Variants in TOGARAM1 observed in about 807,000 individuals in gnomAD.
TOGARAM1 encodes the protein TOG array regulator of axonemal microtubules 1.
A neutral mutation model predicts 166.6 loss-of-function variants in TOGARAM1; 100 were observed. The ratio of observed to expected loss-of-function variants is 0.60; its 90% CI spans 0.51 to 0.71. TOGARAM1 has a LOEUF of 0.71. TOGARAM1 is among the 30% of genes least tolerant of loss of function. The probability of loss-of-function intolerance (pLI) is 0.00; values close to 1 mark genes in which losing one functional copy is unlikely to be tolerated. For synonymous variants in TOGARAM1, 758 were observed against 763.8 expected (o/e 0.99, Z 0.13); for missense variants, 2,029 against 2,102.7 (o/e 0.96, Z 0.69).
Position 45,046,702 on chromosome 14 carries a change from A to G in TOGARAM1, c.4312A>G (p.Arg1438Gly). 1 of 1,281,586 alleles carries G rather than the reference A, an allele frequency of 7.8e-7. No individual in the cohort carries two copies. The highest frequency in any genetic ancestry group is 1.0e-6 in the Non-Finnish European group (1 of 1,003,992). 79.4% of individuals were successfully genotyped at this position (1,281,586 alleles called of 1,614,324 possible). The change falls in exon 14 of 20, where the codon AGG (arginine) becomes GGG (glycine). Residue 1438 changes from arginine (R) to glycine (G), a missense_variant and splice_region_variant. By Grantham distance (125) the Arg-to-Gly change is moderately radical. Transcript: ENST00000361462. The stretch of plus-strand genomic sequence containing the variant: ...TGCTCAAGACAGTTCACAAGAAACC[A>G]GGTGAATATCTGCTAATGTTTGCTA... ...KFAQDSSQET[R>G]YYGRKMLFFM...
intron 1 of TOGARAM1, among the ~76,000 whole-genome samples, chr14:44,978,749 A>C (rs1197676439): frequency 6.6e-6 from 1 of 151,944 alleles, no homozygotes; most frequent in Non-Finnish European, 1.5e-5. Context: ...ATAAGCTGAG[A>C]TCATAGTGTC....
intron 15 of TOGARAM1, among the ~76,000 whole-genome samples, chr14:45,053,032 CTTTTTTTTTT>C (rs1177460413): frequency 2.3e-5 from 3 of 128,674 alleles, no homozygotes; most frequent in African/African-American, 5.7e-5. Flanking sequence ...AGTGCAATGT[CTTTTTTTTTT>C]TTTTTTTTTT....
chr14:44,965,720 A>G (rs1438873861), intron 1 of TOGARAM1, among the ~76,000 whole-genome samples: 3 of 152,152 alleles, frequency 2.0e-5, no homozygotes, highest in Admixed American at 2.0e-4. Flanking sequence ...TTGTAAAGGT[A>G]TATTTTCCTC....
chr14:45,073,593 AGT>A lies in TOGARAM1; in HGVS notation c.*35_*36del. 1 of 1,582,932 alleles carries A rather than the reference AGT, an allele frequency of 6.3e-7. No homozygotes were observed. The highest frequency in any genetic ancestry group is 8.6e-7 in the Non-Finnish European group (1 of 1,163,150). ...GATAAAATACTGTATGATGAACAAA[AGT>A]GTTTACATGATGACAAATGGAACTT... On this transcript the variant is annotated 3_prime_UTR_variant, in exon 20 of 20. Coordinates refer to ENST00000361462, the MANE Select transcript of TOGARAM1 (RefSeq NM_001308120.2).
chr14:44,999,801 C>T (rs1357173628), intron 3 of TOGARAM1, among the ~76,000 whole-genome samples: 1 of 151,948 alleles, frequency 6.6e-6, no homozygotes, highest in African/African-American at 2.4e-5. Flanking sequence ...TTTTGATATA[C>T]AATGTGTAAT....
At chr14:44,965,076 G>C (rs577505490) in intron 1 of TOGARAM1, among the ~76,000 whole-genome samples, 1 of 151,224 alleles carries the variant, frequency 6.6e-6, no homozygotes, top group African/African-American at 2.4e-5. Flanking sequence ...AGAGTACAAT[G>C]AATACCCATA....
At chr14:44,990,030 A>C (rs897724289) in intron 1 of TOGARAM1, among the ~76,000 whole-genome samples, 1 of 152,174 alleles carries the variant, frequency 6.6e-6, no homozygotes, top group African/African-American at 2.4e-5. Flanking sequence ...AGCATGGGGG[A>C]CATGGTCCCC....
At chr14:45,063,270 T>A (rs900342306) in intron 16 of TOGARAM1, among the ~76,000 whole-genome samples, 2 of 152,186 alleles carry the variant, frequency 1.3e-5, no homozygotes, top group African/African-American at 4.8e-5. Flanking sequence ...TGTGGACATA[T>A]GTTTTCAGTT....
chr14:45,031,195 C>T (rs1211188499), intron 10 of TOGARAM1, among the ~76,000 whole-genome samples: 3 of 152,148 alleles, frequency 2.0e-5, no homozygotes, highest in Non-Finnish European at 4.4e-5. Flanking sequence ...TATTTCCTTT[C>T]TAAAAATATC....
chr14:44,964,266 T>A lies in TOGARAM1; in HGVS notation c.1845T>A (p.Ala615=), dbSNP rs1035304350. The change falls in exon 1 of 20, where the codon GCT becomes GCA. Residue 615 remains alanine (A), a synonymous_variant. Transcript: ENST00000361462. The part of the protein sequence containing the change: ...AHGADTDWLL[A]GNRTQSAHCH... The stretch of plus-strand genomic sequence containing the variant: ...GAGCAGATACGGACTGGCTTTTGGC[T>A]GGTAACAGAACTCAGAGTGCACACT... 3.7e-6 allele frequency: 6 copies of A among 1,614,154 alleles called. No homozygotes were observed. The highest frequency in any genetic ancestry group is 5.1e-6 in the Non-Finnish European group (6 of 1,180,006).
chr14:45,021,365 T>C (rs564052971), intron 7 of TOGARAM1, among the ~76,000 whole-genome samples: 1 of 152,278 alleles, frequency 6.6e-6, no homozygotes, highest in East Asian at 1.9e-4. Context: ...CATCAATATT[T>C]CCGGGAAGCC....
At chr14:45,044,397 C>A (rs1427394243) in intron 12 of TOGARAM1, among the ~76,000 whole-genome samples, 1 of 151,650 alleles carries the variant, frequency 6.6e-6, no homozygotes, top group African/African-American at 2.4e-5. Flanking sequence ...AAAAATTAGC[C>A]AGGCATGGTG....
chr14:45,033,823 T>G (rs1881289866), intron 11 of TOGARAM1, among the ~76,000 whole-genome samples: 1 of 152,168 alleles, frequency 6.6e-6, no homozygotes, highest in Non-Finnish European at 1.5e-5. Context: ...GTATTTGCCC[T>G]CATAACGTGA....
intron 17 of TOGARAM1, among the ~76,000 whole-genome samples, chr14:45,066,992 C>G (rs1883168749): frequency 6.6e-6 from 1 of 152,048 alleles, no homozygotes; most frequent in African/African-American, 2.4e-5. Context: ...AAACATTGCC[C>G]TAAATCTTAG....
intron 13 of TOGARAM1, among the ~76,000 whole-genome samples, 180 bp from the exon 14 acceptor site, chr14:45,046,365 G>A (rs1882067493): frequency 6.6e-6 from 1 of 152,184 alleles, no homozygotes; most frequent in Non-Finnish European, 1.5e-5. Flanking sequence ...GAACCCAGGA[G>A]GTCAAAGCTG....
At chr14:45,018,332 T>C (rs1028210118) in intron 7 of TOGARAM1, among the ~76,000 whole-genome samples, 7 of 152,096 alleles carry the variant, frequency 4.6e-5, no homozygotes, top group South Asian at 2.1e-4. Flanking sequence ...CTCCACCTCA[T>C]GGGTTCAAGT....
rs767046437 is a variant in TOGARAM1 at position 45,052,446 on chromosome 14, C to G, written c.4324C>G (p.Arg1442Gly). The G allele has an allele frequency of 1.2e-6, 2 of 1,609,788 alleles. No individual in the cohort carries two copies. The highest frequency in any genetic ancestry group is 2.2e-5 in the East Asian group (1 of 44,738). Residue 1442 changes from arginine to glycine, a missense_variant, in exon 15 of 20, where the codon CGA becomes GGA. Transcript: ENST00000361462. ...TTCAAATACTCACAGGTATTATGGT[C>G]GAAAGATGCTGTTCTTCATGATGTG... ...DSSQETRYYG[R>G]KMLFFMMCHP...
rs571653500 is a variant in TOGARAM1, at chr14:44,985,228, A to G, written c.2047-10518A>G. On this transcript the variant is annotated intron_variant, in intron 1 of 19. Coordinates refer to ENST00000361462, the MANE Select transcript of TOGARAM1 (RefSeq NM_001308120.2). ...GAGGTTTCACAATGTGGGTCAAGTTAGTCTCGAACTCCTGACTTTGTGAAC... is the reference window on the plus strand; with the variant it reads ...GAGGTTTCACAATGTGGGTCAAGTTGGTCTCGAACTCCTGACTTTGTGAAC... Among the ~76,000 whole-genome samples, 8 of 152,234 alleles carry G rather than the reference A, an allele frequency of 5.3e-5. No homozygotes were observed. In the South Asian group the frequency reaches 1.7e-3, roughly 32 times the overall value.
At chr14:44,984,733 C>A (rs557622112) in intron 1 of TOGARAM1, among the ~76,000 whole-genome samples, 5 of 151,668 alleles carry the variant, frequency 3.3e-5, no homozygotes, top group Non-Finnish European at 7.4e-5. Context: ...TATGATCGTG[C>A]CACTGCACTC....
Sources: allele counts gnomAD v4.1 joint callset (sites outside exome capture counted in the v4.1 genomes callset), GRCh38; gene constraint gnomAD v4.1.1; transcripts MANE v1.5; gene names NCBI Gene and HGNC (gene_info 2026-07-23, HGNC 2026-07-21).